Variants in GRIK2 observed in about 807,000 individuals in gnomAD.
GRIK2 encodes glutamate ionotropic receptor kainate type subunit 2, also known as glutamate receptor ionotropic, kainate 2.
A neutral mutation model predicts 100.3 loss-of-function variants in GRIK2; 32 were observed. That is an observed-to-expected ratio of 0.32 (90% CI 0.24 to 0.43). The LOEUF (loss-of-function observed/expected upper bound fraction) is 0.43. GRIK2 is among the 20% of genes least tolerant of loss of function. GRIK2 has a pLI of 1.00. For missense variants in GRIK2, 843 were observed against 1,114.9 expected, an observed-to-expected ratio of 0.76 and a Z score of 3.47; for synonymous variants, 417 against 389.4, an observed-to-expected ratio of 1.07 and a Z score of -0.83.
intron 10 of GRIK2, among the ~76,000 whole-genome samples, chr6:101,851,124 C>T (rs1784105213): frequency 6.6e-6 from 1 of 151,916 alleles, no homozygotes; most frequent in Non-Finnish European, 1.5e-5. Context: ...GCACTCAGAC[C>T]ACAAATATTT....
At chr6:101,584,899 T>G (rs532302472) in intron 2 of GRIK2, among the ~76,000 whole-genome samples, 1 of 152,082 alleles carries the variant, frequency 6.6e-6, no homozygotes, top group East Asian at 1.9e-4. Flanking sequence ...TCCTCTTTTA[T>G]GTAGTTACAT....
chr6:101,635,040 A>G (rs1039826361), intron 4 of GRIK2, among the ~76,000 whole-genome samples: 1 of 152,074 alleles, frequency 6.6e-6, no homozygotes, highest in Non-Finnish European at 1.5e-5. Flanking sequence ...TTCCTGGAAG[A>G]CACTAATTTT....
chr6:101,854,062 C>T (rs1784284734), intron 10 of GRIK2, among the ~76,000 whole-genome samples: 1 of 151,968 alleles, frequency 6.6e-6, no homozygotes, highest in African/African-American at 2.4e-5. Flanking sequence ...AAGAATGTGC[C>T]CATAAGGTAA....
chr6:101,466,671 G>T (rs1280366373), intron 2 of GRIK2, among the ~76,000 whole-genome samples: 1 of 151,710 alleles, frequency 6.6e-6, no homozygotes, highest in East Asian at 1.9e-4. Context: ...CTTTTTTCAG[G>T]ATATAAATAA....
At chr6:101,483,205 A>G (rs1772628427) in intron 2 of GRIK2, among the ~76,000 whole-genome samples, 1 of 152,164 alleles carries the variant, frequency 6.6e-6, no homozygotes, top group Non-Finnish European at 1.5e-5. Context: ...CAGAGCTTAT[A>G]GTGGGGTATT....
At chr6:101,524,386 TTATA>T (rs10535374) in intron 2 of GRIK2, among the ~76,000 whole-genome samples, 13 of 148,914 alleles carry the variant, frequency 8.7e-5, no homozygotes, top group Non-Finnish European at 7.5e-5. Flanking sequence ...ATGCCCCATT[TTATA>T]TATATATATA....
chr6:101,867,520 G>A (rs1446536296), intron 11 of GRIK2, among the ~76,000 whole-genome samples: 1 of 151,540 alleles, frequency 6.6e-6, no homozygotes, highest in Non-Finnish European at 1.5e-5. Context: ...TCTGATTTAT[G>A]CTATACTAGA....
At chr6:101,718,261 A>G (rs1774207006) in intron 7 of GRIK2, among the ~76,000 whole-genome samples, 2 of 151,832 alleles carry the variant, frequency 1.3e-5, no homozygotes, top group Admixed American at 6.6e-5. Flanking sequence ...AGGAGATTAT[A>G]ACACATTGGA....
At chr6:101,579,713 T>G (rs1438250116) in intron 2 of GRIK2, among the ~76,000 whole-genome samples, 1 of 151,974 alleles carries the variant, frequency 6.6e-6, no homozygotes, top group African/African-American at 2.4e-5. Context: ...TAGTTGGGTG[T>G]GGTGGTGTGC....
rs111522650 is a variant in GRIK2, at chr6:101,536,194, C to A, written c.116-85755C>A. Among the ~76,000 whole-genome samples the A allele has an allele frequency of 4.3e-3, 645 of 151,728 alleles. 7 individuals are homozygous for A. Among genetic ancestry groups the A allele is most frequent in the African/African-American group, 0.015 (629 of 41,462 alleles). ...CCCCACTATTTCTAATAATAAAAAGCGTTCAGGGATGATGTACATTGCTTC... is the reference window on the plus strand; with the variant it reads ...CCCCACTATTTCTAATAATAAAAAGAGTTCAGGGATGATGTACATTGCTTC... On this transcript the variant is annotated intron_variant, in intron 2 of 16. Transcript: ENST00000369134.
intron 12 of GRIK2, among the ~76,000 whole-genome samples, chr6:101,906,638 T>C (rs1788250465): frequency 6.6e-6 from 1 of 151,648 alleles, no homozygotes; most frequent in Non-Finnish European, 1.5e-5. Flanking sequence ...GCTCAAGAAG[T>C]AGTTAATAAG....
chr6:101,818,219 A>G (rs1781751194), intron 9 of GRIK2, 151 bp from the exon 10 acceptor site: 1 of 581,476 alleles, frequency 1.7e-6, no homozygotes, highest in South Asian at 2.3e-5. Context: ...AGAGCCGTGA[A>G]TCATGCTTTA....
In GRIK2 at chr6:101,823,184, A is replaced by G. The variant is rs561504082; in HGVS notation, c.1317+4701A>G. On this transcript the variant is annotated intron_variant, in intron 10 of 16. Coordinates refer to ENST00000369134, the MANE Select transcript of GRIK2 (RefSeq NM_021956.5). The stretch of plus-strand genomic sequence containing the variant: ...CTATAATCTCAGATTCTCCTGGGCA[A>G]TCAAGACGGTATAGGAGCTCACTTC... Among the ~76,000 whole-genome samples, 98 of 152,248 alleles carry G rather than the reference A, an allele frequency of 6.4e-4. 1 individual carries two copies. Among genetic ancestry groups the G allele is most frequent in the African/African-American group, 2.2e-3 (90 of 41,548 alleles).
intron 14 of GRIK2, among the ~76,000 whole-genome samples, chr6:101,973,798 C>G (rs1793204998): frequency 6.6e-6 from 1 of 151,812 alleles, no homozygotes; most frequent in African/African-American, 2.4e-5. Context: ...GAACTAAAAG[C>G]ATTATTGTTA....
intron 4 of GRIK2, among the ~76,000 whole-genome samples, chr6:101,642,376 G>A (rs1423564928): frequency 6.6e-6 from 1 of 151,596 alleles, no homozygotes; most frequent in African/African-American, 2.4e-5. Flanking sequence ...ACTTTTGTAT[G>A]CACTAAACAA....
intron 10 of GRIK2, among the ~76,000 whole-genome samples, chr6:101,818,710 T>G (rs548076508): frequency 1.3e-5 from 2 of 152,320 alleles, no homozygotes; most frequent in South Asian, 4.1e-4. Context: ...ATAATACAGC[T>G]TAATGTATTA....
chr6:101,836,661 A>ATTTTTTTTTTTTTTTTTTTTTTTTTTTTT (rs1194200766), intron 10 of GRIK2, among the ~76,000 whole-genome samples: 1 of 57,808 alleles, frequency 1.7e-5, no homozygotes, highest in Non-Finnish European at 2.8e-5. Context: ...ATATATATAT[A>ATTTTTTTTTTTTTTTTTTTTTTTTTTTTT]TTTTTTTTTT....
At chr6:101,829,874 A>T (rs1318767433) in intron 10 of GRIK2, among the ~76,000 whole-genome samples, 1 of 151,996 alleles carries the variant, frequency 6.6e-6, no homozygotes, top group Non-Finnish European at 1.5e-5. Context: ...ATTCCACACT[A>T]ATCCTGTCAA....
intron 2 of GRIK2, among the ~76,000 whole-genome samples, chr6:101,555,608 C>T (rs1776699696): frequency 6.6e-6 from 1 of 152,062 alleles, no homozygotes; most frequent in Non-Finnish European, 1.5e-5. Context: ...CATTATTTCC[C>T]TCTAAAAAGA....
Sources: allele counts gnomAD v4.1 joint callset (sites outside exome capture counted in the v4.1 genomes callset), GRCh38; gene constraint gnomAD v4.1.1; transcripts MANE v1.5; gene names NCBI Gene and HGNC (gene_info 2026-07-23, HGNC 2026-07-21).